CPSF2: variants seen among roughly 807,000 people sequenced by gnomAD.
CPSF2 encodes cleavage and polyadenylation specificity factor subunit 2.
CPSF2 carries 51 observed loss-of-function variants against 84.2 expected under a neutral mutation model. The ratio of observed to expected loss-of-function variants is 0.61; its 90% confidence interval spans 0.48 to 0.77. The LOEUF is 0.77. CPSF2 is among the 30% of genes least tolerant of loss of function. The pLI is 0.00. For missense variants in CPSF2, 641 were observed against 929.4 expected (o/e 0.69, Z 4.03); for synonymous variants, 286 against 311.9 (o/e 0.92, Z 0.87).
chr14:92,125,335 A>G (rs2068831924), intron 1 of CPSF2, among the ~76,000 whole-genome samples: 2 of 152,228 alleles, frequency 1.3e-5, no homozygotes, highest in Non-Finnish European at 2.9e-5. Context: ...ATCAGCATGT[A>G]GCATTTCAAA....
At chr14:92,143,478 G>C (rs1033997057) in intron 9 of CPSF2, among the ~76,000 whole-genome samples, 184 bp downstream of exon 9, 5 of 152,118 alleles carry the variant, frequency 3.3e-5, no homozygotes, top group Non-Finnish European at 7.3e-5. Context: ...TGAGGCGGAA[G>C]GACCACTCGA....
chr14:92,123,643 C>T (rs577273394), intron 1 of CPSF2, among the ~76,000 whole-genome samples: 5 of 152,270 alleles, frequency 3.3e-5, no homozygotes, highest in African/African-American at 1.2e-4. Flanking sequence ...AAGTGATCTG[C>T]CCTCCTCGGC....
intron 9 of CPSF2, among the ~76,000 whole-genome samples, chr14:92,152,357 G>A (rs1305654610): frequency 1.3e-5 from 2 of 152,002 alleles, no homozygotes; most frequent in South Asian, 2.1e-4. Context: ...TCGAATTCCC[G>A]ACCTTAGGTG....
At chr14:92,128,344 G>A (rs1441546934) in intron 2 of CPSF2, among the ~76,000 whole-genome samples, 2 of 152,148 alleles carry the variant, frequency 1.3e-5, no homozygotes, top group African/African-American at 2.4e-5. Flanking sequence ...TTAGCTGGGC[G>A]TGGTGGTGCA....
intron 2 of CPSF2, among the ~76,000 whole-genome samples, chr14:92,127,673 A>G (rs2068860051): frequency 6.6e-6 from 1 of 152,206 alleles, no homozygotes; most frequent in Admixed American, 6.5e-5. Context: ...GGAATGGTAC[A>G]TCAGTGATAC....
At chr14:92,150,193 C>T (rs10138813) in intron 9 of CPSF2, among the ~76,000 whole-genome samples, 14,925 of 151,226 alleles carry the variant, frequency 0.099, 821 homozygotes, top group East Asian at 0.15. Flanking sequence ...CGGCTCACTG[C>T]AACCTCTACT....
chr14:92,157,673 A>T lies in CPSF2; in HGVS notation c.1610A>T (p.Tyr537Phe). Residue 537 changes from tyrosine to phenylalanine, a missense_variant, in exon 13 of 16, where the codon TAC becomes TTC. Around this residue, in one of 2 missense-constraint regions of CPSF2, gnomAD observed 430 missense variants for 553.6 expected, o/e 0.78. Transcript: ENST00000298875. The surrounding 1 kb of genome is among the most constrained non-coding windows in gnomAD (Gnocchi z 4.0). The part of the protein sequence containing the change: ...ESIEIKARVT[Y>F]IDYEGRSDGD... Reference sequence around the variant, plus strand: ...TCTAATTACAGAGCCCGGGTTACCTACATAGACTATGAAGGACGCTCTGAT... The same window carrying T: ...TCTAATTACAGAGCCCGGGTTACCTTCATAGACTATGAAGGACGCTCTGAT... The T allele has an allele frequency of 6.2e-7, 1 of 1,611,612 alleles. No individual in the cohort carries two copies. Among genetic ancestry groups the T allele is most frequent in the Non-Finnish European group, 8.5e-7 (1 of 1,177,712 alleles).
intron 13 of CPSF2, among the ~76,000 whole-genome samples, chr14:92,158,211 G>A (rs865779940): frequency 5.3e-4 from 80 of 152,304 alleles, no homozygotes; most frequent in African/African-American, 1.9e-3. Context: ...GTAGGAAAGG[G>A]GGGGAAGAGC....
At chr14:92,122,902 C>G (rs1285507672) in intron 1 of CPSF2, among the ~76,000 whole-genome samples, 1 of 150,078 alleles carries the variant, frequency 6.7e-6, no homozygotes, top group African/African-American at 2.5e-5. Context: ...TTGCCCAGGC[C>G]GGTGTCGAAC....
chr14:92,143,319 T>C (rs972041648), intron 9 of CPSF2, 25 bp downstream of exon 9: 2 of 1,450,514 alleles, frequency 1.4e-6, no homozygotes, highest in Admixed American at 2.0e-5. Flanking sequence ...GTGAACTTTA[T>C]CTTAAAACTG....
intron 3 of CPSF2, 122 bp from the exon 4 acceptor site, chr14:92,133,889 T>A: frequency 1.1e-6 from 1 of 891,368 alleles, no homozygotes; most frequent in Non-Finnish European, 1.8e-6. Flanking sequence ...TAATTTTAGC[T>A]CTTAGTTTTG....
At chr14:92,153,203 T>C (rs2069244645) in intron 9 of CPSF2, among the ~76,000 whole-genome samples, 1 of 152,102 alleles carries the variant, frequency 6.6e-6, no homozygotes, top group African/African-American at 2.4e-5. Flanking sequence ...TTTTATATTT[T>C]GTGCTTTTCA....
In CPSF2 at chr14:92,170,608, C is replaced by T. The variant is rs1414864165; in HGVS notation, c.*8864C>T. ...TTAGTTACATTTTCCCTTTAGTCTT[C>T]CTCAATCTGGAGCGGTTCCTTGGTT... is the stretch of plus-strand genomic sequence containing the variant. On this transcript the variant is annotated 3_prime_UTR_variant, in exon 16 of 16. Transcript: ENST00000298875. 2 of 152,242 alleles carry T rather than the reference C, an allele frequency of 1.3e-5. No individual in the cohort carries two copies. The highest frequency in any genetic ancestry group is 4.8e-5 in the African/African-American group (2 of 41,468). The allele number at this position is 152,242 out of a possible 1,614,324, so 9.4% of individuals were successfully genotyped here.
rs2069465131 is a variant in CPSF2 at position 92,167,596 on chromosome 14, G to C, written c.*5852G>C. On this transcript the variant is annotated 3_prime_UTR_variant, in exon 16 of 16. Transcript: ENST00000298875. ...ACTGCATTATTGCTTTGGTTCCCTA[G>C]TGTACATTCACTTTGCTTAGGAGTG... 1 of 151,864 alleles carries C rather than the reference G, an allele frequency of 6.6e-6. No individual in the cohort carries two copies. The highest frequency in any genetic ancestry group is 6.6e-5 in the Admixed American group (1 of 15,190). The allele number at this position is 151,864 out of a possible 1,614,324, so 9.4% of individuals were successfully genotyped here.
chr14:92,123,396 G>T (rs1286602395), intron 1 of CPSF2, among the ~76,000 whole-genome samples: 1 of 151,788 alleles, frequency 6.6e-6, no homozygotes, highest in African/African-American at 2.4e-5. Flanking sequence ...GAGCCACCGC[G>T]CCTGGCCGAT....
chr14:92,147,254 A>G lies in CPSF2; in HGVS notation c.1140+3960A>G, dbSNP rs187103903. 1.6e-3 allele frequency among the ~76,000 whole-genome samples: 251 copies of G among 152,360 alleles called. 2 individuals are homozygous for G. The South Asian group carries it at 0.025, about 15-fold the overall frequency. On this transcript the variant is annotated intron_variant, in intron 9 of 15. Coordinates refer to ENST00000298875, the MANE Select transcript of CPSF2 (RefSeq NM_017437.3). ...AATAAACTAGATTTCTGATTATGTT[A>G]GATAAGAAAAGTTTACCAAGTATGG...
rs560626138 is a variant in CPSF2, at chr14:92,171,306, T to A, written c.*9562T>A. 1 of 152,314 alleles carries A rather than the reference T, an allele frequency of 6.6e-6. No homozygotes were observed. Among genetic ancestry groups the A allele is most frequent in the Admixed American group, 6.5e-5 (1 of 15,294 alleles). The allele number at this position is 152,314 out of a possible 1,614,324, so 9.4% of individuals were successfully genotyped here. A position where few individuals can be genotyped will look rare whatever the true frequency, so the allele number is the denominator to read the frequency against. ...ACACCCAGATTATTTTTAAAGTTTT[T>A]GTAGAAACGGGGTCTCTTCTTCCCC... On this transcript the variant is annotated 3_prime_UTR_variant, in exon 16 of 16. Transcript: ENST00000298875.
intron 7 of CPSF2, 149 bp downstream of exon 7, chr14:92,138,496 C>T (rs1471923338): frequency 4.6e-6 from 2 of 439,282 alleles, no homozygotes; most frequent in Non-Finnish European, 4.0e-6. Flanking sequence ...GTGGCGCGAT[C>T]TCGGCTCACT....
rs758412502 is a variant in CPSF2, at chr14:92,157,457, A to C, written c.1596-202A>C. On this transcript the variant is annotated intron_variant, in intron 12 of 15. Transcript: ENST00000298875. This position sits in a 1 kb window ranked among gnomAD's most constrained non-coding sequence, Gnocchi z 4.0. The stretch of plus-strand genomic sequence containing the variant: ...GGGAGGTAGAGGTTGCAATGAGCGA[A>C]GATCATGCTACTGCACTCTAGCCTG... Among the ~76,000 whole-genome samples, 21 of 152,208 alleles carry C rather than the reference A, an allele frequency of 1.4e-4. No individual in the cohort carries two copies. Among genetic ancestry groups the C allele is most frequent in the Non-Finnish European group, 2.9e-4 (20 of 68,040 alleles).
Sources: gnomAD v4.1 joint callset for allele counts (sites outside exome capture counted in the v4.1 genomes callset) on GRCh38, gnomAD v4.1.1 for gene constraint, gnomAD v4.1.1 regional missense constraint, Gnocchi (gnomAD v3.1) non-coding constraint, MANE v1.5 for transcripts, NCBI Gene and HGNC (gene_info 2026-07-23, HGNC 2026-07-21) for gene names.